Variants in MGRN1 observed in about 807,000 individuals in gnomAD.
MGRN1 encodes the protein E3 ubiquitin-protein ligase MGRN1.
A neutral mutation model predicts 69.2 loss-of-function variants in MGRN1; 29 were observed. The ratio of observed to expected loss-of-function variants is 0.42; its 90% CI spans 0.31 to 0.57. MGRN1 has a LOEUF of 0.57. MGRN1 is among the 20% of genes least tolerant of loss of function. The pLI, the probability that MGRN1 is intolerant of heterozygous loss-of-function variation, is 0.15. For missense variants in MGRN1, 998 were observed against 796.2 expected (o/e 1.25, Z -3.05); for synonymous variants, 470 against 344.2 (o/e 1.37, Z -4.04).
At chr16:4,668,408 C>G in intron 8 of MGRN1, 96 bp downstream of exon 8, 1 of 1,313,260 alleles carries the variant, frequency 7.6e-7, no homozygotes, top group Non-Finnish European at 1.1e-6. Flanking sequence ...CACTCATACA[C>G]ACGCACATAT....
At chr16:4,666,007 T>C (rs1429532306) in intron 7 of MGRN1, among the ~76,000 whole-genome samples, 1 of 152,084 alleles carries the variant, frequency 6.6e-6, no homozygotes, top group Non-Finnish European at 1.5e-5. Context: ...TTTTTTTGTA[T>C]TTTCAGTAGA....
chr16:4,673,498 C>T lies in MGRN1; in HGVS notation c.796C>T (p.Pro266Ser), dbSNP rs1252165993. The change falls in exon 10 of 17, where the codon CCC becomes TCC. Residue 266 changes from proline (P) to serine (S), a missense_variant and splice_region_variant. Physicochemically the swap from Pro to Ser is moderately conservative, Grantham distance 74 (BLOSUM62 -1). Coordinates refer to ENST00000262370, the MANE Select transcript of MGRN1 (RefSeq NM_015246.4). ...GACCCACAAGCCCTTGTCCCGGCAG[C>T]CCTCGGACGACGAGAACAGCGACAA... ...IENKNNQETK[P>S]SDDENSDNSN... The T allele has an allele frequency of 6.2e-7, 1 of 1,611,728 alleles. No homozygotes were observed. The highest frequency in any genetic ancestry group is 1.3e-5 in the African/African-American group (1 of 74,920).
At position 4,688,827 on chromosome 16, in the gene MGRN1, C is replaced by A; in HGVS notation, c.1650C>A (p.Gly550=). 2 of 1,553,566 alleles carry A rather than the reference C, an allele frequency of 1.3e-6. No homozygotes were observed. Among genetic ancestry groups the A allele is most frequent in the African/African-American group, 1.4e-5 (1 of 73,298 alleles). ...CCACCTCCATGGAGACGGCCCACGG[C>A]CTCGCCACCACCAGCCCCACCTGGC... is the stretch of plus-strand genomic sequence containing the variant. ...GRPTSMETAH[G]LATTSPTWPP... is the part of the protein sequence containing the mutation. Residue 550 remains glycine, a synonymous_variant, in exon 17 of 17, where the codon GGC becomes GGA. Coordinates refer to ENST00000262370, the MANE Select transcript of MGRN1 (RefSeq NM_015246.4).
At chr16:4,668,125 T>TG in intron 7 of MGRN1, 140 bp from the exon 8 acceptor site, 2 of 216,524 alleles carry the variant, frequency 9.2e-6, no homozygotes, top group Non-Finnish European at 1.6e-5. Context: ...GGCCCCACCC[T>TG]TTTTTTTTTT....
intron 7 of MGRN1, among the ~76,000 whole-genome samples, chr16:4,667,036 G>C (rs935920746): frequency 1.3e-5 from 2 of 152,232 alleles, no homozygotes; most frequent in Non-Finnish European, 2.9e-5. Context: ...ACGTTCATCA[G>C]CACCCTGCCG....
At chr16:4,663,830 C>CTGGGGGCCG (rs1043211222) in intron 5 of MGRN1, among the ~76,000 whole-genome samples, 85 of 152,304 alleles carry the variant, frequency 5.6e-4, no homozygotes, top group African/African-American at 1.9e-3. Flanking sequence ...TGCTGGGGCC[C>CTGGGGGCCG]TGGGGGCCGT....
At chr16:4,644,777 G>GT (rs1567182854) in intron 1 of MGRN1, among the ~76,000 whole-genome samples, 1 of 152,090 alleles carries the variant, frequency 6.6e-6, no homozygotes, top group Admixed American at 6.6e-5. Flanking sequence ...TTCCAGTTAA[G>GT]TTTTTTTGAG....
rs1164738429 is a variant in MGRN1, at chr16:4,683,919, C to T, written c.1605C>T (p.Asp535=). Residue 535 remains aspartate, a synonymous_variant, in exon 16 of 17, where the codon GAC becomes GAT. Coordinates refer to ENST00000262370, the MANE Select transcript of MGRN1 (RefSeq NM_015246.4). ...ACTGTGGCCGAGGCCCACCTGCTGACATCTACCTGCCAGGTAAGGGGCTGG... is the reference window on the plus strand; with the variant it reads ...ACTGTGGCCGAGGCCCACCTGCTGATATCTACCTGCCAGGTAAGGGGCTGG... The part of the protein sequence containing the change: ...PEHCGRGPPA[D]IYLPGRPTSM... 5 of 1,593,080 alleles carry T rather than the reference C, an allele frequency of 3.1e-6. No homozygotes were observed. The highest frequency in any genetic ancestry group is 2.7e-5 in the African/African-American group (2 of 74,386).
At chr16:4,669,588 C>T (rs933275592) in intron 8 of MGRN1, among the ~76,000 whole-genome samples, 2 of 152,078 alleles carry the variant, frequency 1.3e-5, no homozygotes, top group African/African-American at 4.8e-5. Flanking sequence ...CCAGTTTGAG[C>T]CATTGTGTCT....
intron 5 of MGRN1, among the ~76,000 whole-genome samples, chr16:4,660,394 T>C (rs1052998847): frequency 2.0e-5 from 3 of 152,172 alleles, no homozygotes; most frequent in Admixed American, 6.5e-5. Flanking sequence ...GAGAGAAGGC[T>C]ATAGCCACCA....
chr16:4,681,766 G>T lies in MGRN1; in HGVS notation c.1348G>T (p.Ala450Ser). Residue 450 changes from alanine (A) to serine (S), a missense_variant, in exon 13 of 17, where the codon GCC (alanine) becomes TCC (serine). Coordinates refer to ENST00000262370, the MANE Select transcript of MGRN1 (RefSeq NM_015246.4). ...CCAGAAGGGCAGGCCGCAGAGCAAGGCCCCCGACAGGTGAGCAGCAGCCAG... is the reference window on the plus strand; with the variant it reads ...CCAGAAGGGCAGGCCGCAGAGCAAGTCCCCCGACAGGTGAGCAGCAGCCAG... ...SRQKGRPQSK[A>S]PDSTLRSPSS... 1.2e-6 allele frequency: 2 copies of T among 1,610,946 alleles called. No individual in the cohort carries two copies. The highest frequency in any genetic ancestry group is 1.7e-6 in the Non-Finnish European group (2 of 1,178,950).
Position 4,680,304 on chromosome 16 carries a change from G to GC in MGRN1, c.1131+211dup, listed in dbSNP as rs2079151568. 6 of 548,106 alleles carry GC rather than the reference G, an allele frequency of 1.1e-5. No individual in the cohort carries two copies. In the South Asian group the frequency reaches 1.3e-4, roughly 12 times the overall value. The allele number at this position is 548,106 out of a possible 1,614,324, so 34.0% of individuals were successfully genotyped here. A position where few individuals can be genotyped will look rare whatever the true frequency, so the allele number is the denominator to read the frequency against. ...CGTGGGCGAAACGCCAGGTGCGCTG[G>GC]CCCCGCCGCCCTCCCCTCAGCTTTG... On this transcript the variant is annotated intron_variant, in intron 12 of 16. Transcript: ENST00000262370.
chr16:4,687,692 T>C, intron 16 of MGRN1: 1 of 985,428 alleles, frequency 1.0e-6, no homozygotes, highest in Non-Finnish European at 1.2e-6. Flanking sequence ...CCAGAGGGTC[T>C]TGGCACACAA....
chr16:4,662,275 G>C (rs1178907110), intron 5 of MGRN1, among the ~76,000 whole-genome samples: 1 of 152,104 alleles, frequency 6.6e-6, no homozygotes, highest in Non-Finnish European at 1.5e-5. Context: ...AGCATTTTTG[G>C]AGGCTGAGTT....
chr16:4,655,127 C>T (rs900469176), intron 4 of MGRN1, among the ~76,000 whole-genome samples: 2 of 152,180 alleles, frequency 1.3e-5, no homozygotes, highest in African/African-American at 4.8e-5. Context: ...GTGCCCTCCT[C>T]GGGCCTGGCC....
At chr16:4,628,066 T>G (rs1274066385) in intron 1 of MGRN1, among the ~76,000 whole-genome samples, 6 of 103,180 alleles carry the variant, frequency 5.8e-5, no homozygotes, top group Admixed American at 1.2e-4. Flanking sequence ...GGTGTCAGAG[T>G]GAGACTCCGT....
chr16:4,681,806 AG>A (rs1388050224), intron 13 of MGRN1, 30 bp downstream of exon 13: 2 of 1,597,330 alleles, frequency 1.3e-6, no homozygotes, highest in Admixed American at 1.7e-5. Flanking sequence ...GGTGCATGGC[AG>A]GGTGTGTGGT....
At chr16:4,661,713 C>T (rs1416327179) in intron 5 of MGRN1, among the ~76,000 whole-genome samples, 1 of 152,234 alleles carries the variant, frequency 6.6e-6, no homozygotes, top group African/African-American at 2.4e-5. Context: ...TGTCTCTGTC[C>T]ACCTCTGTCC....
At chr16:4,677,609 A>G (rs773191408) in intron 11 of MGRN1, 37 bp downstream of exon 11, 1 of 1,580,140 alleles carries the variant, frequency 6.3e-7, no homozygotes, top group Non-Finnish European at 8.6e-7. Flanking sequence ...TGGGCGGGAG[A>G]GGGGCATGAG....
Sources: gnomAD v4.1 joint callset for allele counts (sites outside exome capture counted in the v4.1 genomes callset) on GRCh38, gnomAD v4.1.1 for gene constraint, MANE v1.5 for transcripts, NCBI Gene and HGNC (gene_info 2026-07-23, HGNC 2026-07-21) for gene names.